CSE1L: variants seen among roughly 807,000 people sequenced by gnomAD.
The protein encoded by CSE1L is exportin-2.
A neutral mutation model predicts 120.4 loss-of-function variants in CSE1L; 24 were observed. That is an observed-to-expected ratio of 0.20 (90% CI 0.14 to 0.28). CSE1L has a LOEUF of 0.28. Among genes scored for constraint, CSE1L ranks in the 10% least tolerant of loss-of-function variants. The pLI is 1.00. For synonymous variants in CSE1L, 402 were observed against 398.3 expected, an observed-to-expected ratio of 1.01 and a Z score of -0.11; for missense variants, 830 against 1,145.2, an observed-to-expected ratio of 0.72 and a Z score of 3.97.
chr20:49,048,146 CTTTTT>C (rs34878925), intron 1 of CSE1L, among the ~76,000 whole-genome samples: 2 of 128,726 alleles, frequency 1.6e-5, no homozygotes, highest in East Asian at 2.2e-4. Flanking sequence ...GTGTCTCTCT[CTTTTT>C]TTTTTTTTTT....
chr20:49,068,727 C>G lies in CSE1L; in HGVS notation c.580C>G (p.Leu194Val). 1.2e-6 allele frequency: 2 copies of G among 1,612,004 alleles called. No individual in the cohort carries two copies. The highest frequency in any genetic ancestry group is 2.7e-5 in the African/African-American group (2 of 75,020). ...LTNLFKATIE[L>V]CSTHANDASA... ...ATTCCTTTCCAAGGCCACTATTGAA[C>G]TCTGCAGTACCCATGCAAATGATGC... The change falls in exon 7 of 25, where the codon CTC (leucine) becomes GTC (valine). Residue 194 changes from leucine to valine, a missense_variant. Leu to Val is a conservative substitution (Grantham distance 32). Transcript: ENST00000262982.
intron 6 of CSE1L, among the ~76,000 whole-genome samples, chr20:49,067,918 TTC>T (rs1491460687): frequency 9.0e-6 from 1 of 111,046 alleles, no homozygotes; most frequent in Non-Finnish European, 1.8e-5. Flanking sequence ...CTCTTTTTTT[TTC>T]CCTCTCTCTT....
intron 16 of CSE1L, 140 bp downstream of exon 16, chr20:49,085,526 A>T: frequency 2.1e-6 from 1 of 475,480 alleles, no homozygotes; most frequent in Non-Finnish European, 3.7e-6. Flanking sequence ...AGATATTTCA[A>T]AATGAAAAAC....
Position 49,065,309 on chromosome 20 carries a change from A to C in CSE1L, c.229-883A>C, listed in dbSNP as rs1034028051. ...GATTAGTTTACATATGAAATGAAAA[A>C]AAAATTTTTTTTTTTTTTTTTTTTT... On this transcript the variant is annotated intron_variant, in intron 3 of 24. Coordinates refer to ENST00000262982, the MANE Select transcript of CSE1L (RefSeq NM_001316.4). Among the ~76,000 whole-genome samples, 11 of 71,940 alleles carry C rather than the reference A, an allele frequency of 1.5e-4. 1 individual carries two copies. In the South Asian group the frequency reaches 3.2e-3, roughly 21 times the overall value. The allele number at this position is 71,940 out of a possible 152,430, so 47.2% of individuals were successfully genotyped here.
intron 2 of CSE1L, among the ~76,000 whole-genome samples, chr20:49,060,847 G>T (rs182758178): frequency 2.0e-5 from 3 of 152,172 alleles, no homozygotes; most frequent in Admixed American, 1.3e-4. Context: ...TGAGCAGTCA[G>T]TTATTGATCC....
chr20:49,063,406 T>A (rs926550802), intron 3 of CSE1L, 62 bp downstream of exon 3: 3 of 1,140,072 alleles, frequency 2.6e-6, no homozygotes, highest in Non-Finnish European at 2.4e-6. Context: ...ATATAAGCAG[T>A]GTTCTTCAAA....
intron 14 of CSE1L, among the ~76,000 whole-genome samples, chr20:49,080,236 A>G (rs999811156): frequency 4.0e-5 from 6 of 149,164 alleles, no homozygotes; most frequent in Non-Finnish European, 7.4e-5. Flanking sequence ...GATATACACA[A>G]TATCTGGTTG....
intron 8 of CSE1L, among the ~76,000 whole-genome samples, chr20:49,070,532 A>T (rs1177615905): frequency 6.6e-6 from 1 of 152,222 alleles, no homozygotes; most frequent in African/African-American, 2.4e-5. Flanking sequence ...ACATTATTGA[A>T]AGTAGGTCTT....
intron 1 of CSE1L, among the ~76,000 whole-genome samples, chr20:49,057,743 T>C (rs983522724): frequency 1.3e-5 from 2 of 152,204 alleles, no homozygotes; most frequent in African/African-American, 4.8e-5. Flanking sequence ...GCGATTCTCC[T>C]GCCTCAGCCT....
intron 2 of CSE1L, among the ~76,000 whole-genome samples, chr20:49,062,763 T>A (rs6019620): frequency 0.36 from 54,695 of 151,586 alleles, 10,682 homozygotes; most frequent in African/African-American, 0.53. Flanking sequence ...TTGGACCCAT[T>A]TGGCTAATAA....
At chr20:49,077,211 G>A (rs1168859644) in intron 13 of CSE1L, 147 bp downstream of exon 13, 3 of 541,436 alleles carry the variant, frequency 5.5e-6, no homozygotes, top group Non-Finnish European at 6.4e-6. Context: ...CCAGGCTGGA[G>A]TGCAGTGGCA....
chr20:49,088,238 C>T lies in CSE1L; in HGVS notation c.1821+132C>T, dbSNP rs982431580. 9 of 662,902 alleles carry T rather than the reference C, an allele frequency of 1.4e-5. No homozygotes were observed. In the African/African-American group the frequency reaches 1.7e-4, roughly 12 times the overall value. The allele number at this position is 662,902 out of a possible 1,614,324, so 41.1% of individuals were successfully genotyped here. A position where few individuals can be genotyped will look rare whatever the true frequency, so the allele number is the denominator to read the frequency against. On this transcript the variant is annotated intron_variant, in intron 17 of 24. Transcript: ENST00000262982. ...TTCTTCCTGACCAGCCACTAATGGA[C>T]TTTTCTGAAAGTGTGGGCATGCTGT...
At chr20:49,048,186 A>G (rs539527403) in intron 1 of CSE1L, among the ~76,000 whole-genome samples, 1 of 137,814 alleles carries the variant, frequency 7.3e-6, no homozygotes, top group South Asian at 2.3e-4. Flanking sequence ...AGAGGATCCT[A>G]ATGGACCTCG....
intron 13 of CSE1L, among the ~76,000 whole-genome samples, chr20:49,077,755 C>T (rs946033341): frequency 1.3e-5 from 2 of 152,084 alleles, no homozygotes; most frequent in Admixed American, 1.3e-4. Context: ...CCTGTAATCC[C>T]AGCACTTTGG....
intron 11 of CSE1L, 37 bp downstream of exon 11, chr20:49,074,887 CA>C: frequency 4.6e-6 from 7 of 1,529,436 alleles, no homozygotes; most frequent in Non-Finnish European, 5.4e-6. Context: ...AGTCTCTTAG[CA>C]AGCCAGTTTT....
intron 7 of CSE1L, among the ~76,000 whole-genome samples, chr20:49,069,597 A>G (rs73266281): frequency 0.022 from 3,403 of 152,324 alleles, 134 homozygotes; most frequent in African/African-American, 0.077. Context: ...GAACAGCCCA[A>G]AAGGACATGT....
intron 7 of CSE1L, among the ~76,000 whole-genome samples, chr20:49,069,602 A>T (rs891123337): frequency 6.6e-6 from 1 of 152,210 alleles, no homozygotes; most frequent in Admixed American, 6.6e-5. Context: ...GCCCAAAAGG[A>T]CATGTCCCAC....
chr20:49,071,216 G>A (rs533599772), intron 8 of CSE1L, among the ~76,000 whole-genome samples: 11 of 152,216 alleles, frequency 7.2e-5, no homozygotes, highest in South Asian at 2.1e-4. Context: ...TGTTACTATC[G>A]TTGTACAACA....
chr20:49,081,024 C>G (rs2092008906), intron 14 of CSE1L, among the ~76,000 whole-genome samples: 1 of 151,234 alleles, frequency 6.6e-6, no homozygotes, highest in Non-Finnish European at 1.5e-5. Context: ...TGCTCTGTTG[C>G]CCAGGCTGGA....
Sources: allele counts gnomAD v4.1 joint callset (sites outside exome capture counted in the v4.1 genomes callset), GRCh38; gene constraint gnomAD v4.1.1; transcripts MANE v1.5; gene names NCBI Gene and HGNC (gene_info 2026-07-23, HGNC 2026-07-21).